Variants in KIAA1614 observed in about 807,000 individuals in gnomAD.
KIAA1614 encodes KIAA1614.
A neutral mutation model predicts 88.7 loss-of-function variants in KIAA1614; 76 were observed. The observed-to-expected ratio is 0.86, with a 90% CI of 0.71 to 1.04. KIAA1614 has a LOEUF of 1.04. KIAA1614 is among the 50% of genes least tolerant of loss of function. KIAA1614 has a pLI of 0.00. For synonymous variants in KIAA1614, 714 were observed against 675.5 expected, an observed-to-expected ratio of 1.06 and a Z score of -0.88; for missense variants, 1,553 against 1,582.5, an observed-to-expected ratio of 0.98 and a Z score of 0.32.
At chr1:180,928,261 C>T in intron 3 of KIAA1614, 169 bp from the exon 4 acceptor site, 1 of 800,104 alleles carries the variant, frequency 1.2e-6, no homozygotes, top group Non-Finnish European at 1.9e-6. Context: ...GGCCCCAGGC[C>T]CCAGGCCCCC....
Position 180,916,193 on chromosome 1 carries a change from G to A in KIAA1614, c.90G>A (p.Glu30=). The change falls in exon 2 of 9, where the codon GAG becomes GAA. Residue 30 remains glutamate (E), a synonymous_variant. Coordinates refer to ENST00000367588, the MANE Select transcript of KIAA1614 (RefSeq NM_020950.2). ...KTGSGTASPV[E]GTSAVEWSGP... ...GGAGTGGAACAGCCAGCCCCGTGGA[G>A]GGGACCTCAGCTGTGGAGTGGAGTG... 6.3e-7 allele frequency: 1 copy of A among 1,595,466 alleles called. No individual in the cohort carries two copies. The highest frequency in any genetic ancestry group is 8.5e-7 in the Non-Finnish European group (1 of 1,171,520).
intron 1 of KIAA1614, among the ~76,000 whole-genome samples, chr1:180,915,023 C>T (rs562224538): frequency 1.3e-5 from 2 of 151,128 alleles, no homozygotes; most frequent in Non-Finnish European, 2.9e-5. Context: ...AGGCTGGTCT[C>T]GAGCTCCTGA....
intron 3 of KIAA1614, among the ~76,000 whole-genome samples, chr1:180,918,837 C>G (rs1425202068): frequency 6.6e-6 from 1 of 152,190 alleles, no homozygotes; most frequent in Non-Finnish European, 1.5e-5. Context: ...AACAAAAAGC[C>G]TATAGAGGCT....
intron 6 of KIAA1614, among the ~76,000 whole-genome samples, chr1:180,940,191 A>G (rs533023367): frequency 1.8e-4 from 28 of 152,316 alleles, no homozygotes; most frequent in African/African-American, 5.8e-4. Flanking sequence ...GCTGACACAT[A>G]GTAGGTCGTT....
At chr1:180,929,833 A>C (rs1654153783) in intron 4 of KIAA1614, among the ~76,000 whole-genome samples, 1 of 152,112 alleles carries the variant, frequency 6.6e-6, no homozygotes, top group Admixed American at 6.5e-5. Flanking sequence ...CTGCTGCATC[A>C]GCCTGTTTGA....
chr1:180,945,513 CCATGG>C lies in KIAA1614; in HGVS notation c.3500_3504del (p.His1167LeufsTer5). The stretch of plus-strand genomic sequence containing the variant: ...GTATGCCCTCTCCTCTTCCTCAGCC[CCATGG>C]CTGGGGCGGCCTTAGCAAACAAGGC... On this transcript the variant is annotated frameshift_variant, in exon 9 of 9. Coordinates refer to ENST00000367588, the MANE Select transcript of KIAA1614 (RefSeq NM_020950.2). LOFTEE classifies it low-confidence loss of function (END_TRUNC). 1 of 1,613,718 alleles carries C rather than the reference CCATGG, an allele frequency of 6.2e-7. No individual in the cohort carries two copies. Among genetic ancestry groups the C allele is most frequent in the Non-Finnish European group, 8.5e-7 (1 of 1,179,948 alleles).
chr1:180,914,218 A>G (rs1027891020), intron 1 of KIAA1614, among the ~76,000 whole-genome samples: 3 of 152,242 alleles, frequency 2.0e-5, no homozygotes, highest in Non-Finnish European at 4.4e-5. Context: ...GGTAGAATCA[A>G]TATTAAAACG....
At position 180,951,271 on chromosome 1, in the gene KIAA1614, T is replaced by C. The variant is rs932483105; in HGVS notation, c.*5683T>C. 8 of 152,248 alleles carry C rather than the reference T, an allele frequency of 5.3e-5. No individual in the cohort carries two copies. Among genetic ancestry groups the C allele is most frequent in the African/African-American group, 1.9e-4 (8 of 41,462 alleles). The allele number at this position is 152,248 out of a possible 1,614,324, so 9.4% of individuals were successfully genotyped here. A position where few individuals can be genotyped will look rare whatever the true frequency, so the allele number is the denominator to read the frequency against. ...ACTGTGGTAGCCAGGATCCAGCTAGTGGGACCGGCCAGACCAGCCCCATGC... is the reference window on the plus strand; with the variant it reads ...ACTGTGGTAGCCAGGATCCAGCTAGCGGGACCGGCCAGACCAGCCCCATGC... On this transcript the variant is annotated 3_prime_UTR_variant, in exon 9 of 9. Coordinates refer to ENST00000367588, the MANE Select transcript of KIAA1614 (RefSeq NM_020950.2).
chr1:180,920,567 G>A (rs938457771), intron 3 of KIAA1614, among the ~76,000 whole-genome samples: 1 of 152,250 alleles, frequency 6.6e-6, no homozygotes, highest in African/African-American at 2.4e-5. Flanking sequence ...TCAGTCAAGT[G>A]TTGCAATCAA....
intron 4 of KIAA1614, among the ~76,000 whole-genome samples, chr1:180,934,121 G>T (rs935436586): frequency 9.2e-5 from 14 of 152,064 alleles, no homozygotes; most frequent in Admixed American, 1.3e-4. Context: ...GGGCGTGGTG[G>T]CGCATGCCTA....
chr1:180,926,372 G>A (rs765764403), intron 3 of KIAA1614, among the ~76,000 whole-genome samples: 53 of 151,772 alleles, frequency 3.5e-4, no homozygotes, highest in African/African-American at 1.3e-3. Flanking sequence ...CATGCTCAGT[G>A]TGGTACTGCA....
rs560580239 is a variant in KIAA1614, at chr1:180,918,839, A to G, written c.1061+925A>G. On this transcript the variant is annotated intron_variant, in intron 3 of 8. Transcript: ENST00000367588. ...TTTGGGCTGCTATAACAAAAAGCCTATAGAGGCTGGGTGGCTTACTAACAG... is the reference window on the plus strand; with the variant it reads ...TTTGGGCTGCTATAACAAAAAGCCTGTAGAGGCTGGGTGGCTTACTAACAG... Among the ~76,000 whole-genome samples, 26 of 152,336 alleles carry G rather than the reference A, an allele frequency of 1.7e-4. No homozygotes were observed. The South Asian group carries it at 5.2e-3, about 30-fold the overall frequency.
At chr1:180,926,807 G>A (rs958817902) in intron 3 of KIAA1614, among the ~76,000 whole-genome samples, 2 of 152,264 alleles carry the variant, frequency 1.3e-5, no homozygotes, top group African/African-American at 4.8e-5. Context: ...CCGCCTTGGA[G>A]GAGCTGTCTG....
In KIAA1614 at chr1:180,916,318, T is replaced by C. The variant is rs377550267; in HGVS notation, c.215T>C (p.Val72Ala). Residue 72 changes from valine (V) to alanine (A), a missense_variant, in exon 2 of 9, where the codon GTA becomes GCA. Physicochemically the swap from Val to Ala is moderately conservative, Grantham distance 64. Transcript: ENST00000367588. ...SSLMAPQPPR[V>A]WGVQLQGPSV... ...CTGATGGCCCCCCAGCCTCCCAGGG[T>C]ATGGGGAGTACAGCTCCAGGGCCCC... 2.5e-6 allele frequency: 4 copies of C among 1,613,224 alleles called. No individual in the cohort carries two copies. Among genetic ancestry groups the C allele is most frequent in the African/African-American group, 2.7e-5 (2 of 74,646 alleles).
chr1:180,943,535 T>C (rs1304565615), intron 7 of KIAA1614, among the ~76,000 whole-genome samples: 1 of 143,312 alleles, frequency 7.0e-6, no homozygotes, highest in African/African-American at 2.5e-5. Context: ...ATTGTAGGAT[T>C]GAATGGTAGT....
intron 3 of KIAA1614, among the ~76,000 whole-genome samples, chr1:180,927,800 TTCTC>T (rs1220392518): frequency 6.6e-6 from 1 of 152,156 alleles, no homozygotes; most frequent in Non-Finnish European, 1.5e-5. Flanking sequence ...CCAGCTTAAT[TTCTC>T]TCAGCCCTGA....
At chr1:180,917,218 C>T in intron 2 of KIAA1614, 118 bp downstream of exon 2, 1 of 743,216 alleles carries the variant, frequency 1.3e-6, no homozygotes, top group Non-Finnish European at 2.2e-6. Flanking sequence ...GAGAGCCTGA[C>T]AGTTGCCTGT....
At chr1:180,940,733 T>C (rs2102274356) in intron 6 of KIAA1614, among the ~76,000 whole-genome samples, 1 of 152,066 alleles carries the variant, frequency 6.6e-6, no homozygotes, top group Admixed American at 6.5e-5. Context: ...TCTTTTCTTT[T>C]TTTTGGGTCT....
chr1:180,928,362 C>G lies in KIAA1614; in HGVS notation c.1062-68C>G. On this transcript the variant is annotated intron_variant, in intron 3 of 8. Coordinates refer to ENST00000367588, the MANE Select transcript of KIAA1614 (RefSeq NM_020950.2). ...CAGCCAGTGCTTGACACTGCTAAAG[C>G]CCTCCTAATCTGCGTTATTTTCCTC... The G allele has an allele frequency of 2.1e-6, 3 of 1,430,526 alleles. No individual in the cohort carries two copies. In the South Asian group the frequency reaches 4.6e-5, roughly 22 times the overall value. 88.6% of individuals were successfully genotyped at this position (1,430,526 alleles called of 1,614,324 possible).
Sources: gnomAD v4.1 joint callset for allele counts (sites outside exome capture counted in the v4.1 genomes callset) on GRCh38, gnomAD v4.1.1 for gene constraint, MANE v1.5 for transcripts, NCBI Gene and HGNC (gene_info 2026-07-23, HGNC 2026-07-21) for gene names.